The following AK9 variants were observed in gnomAD, a reference collection of about 807,000 sequenced individuals.
AK9 encodes the protein adenylate kinase domain containing 1.
AK9 carries 191 observed loss-of-function variants against 239.6 expected under a neutral mutation model. That is an observed-to-expected ratio of 0.80 (90% CI 0.71 to 0.90). AK9 has a LOEUF of 0.90. AK9 is among the 40% of genes least tolerant of loss of function. AK9 has a pLI of 0.00. For missense variants in AK9, 1,995 were observed against 2,214.7 expected (o/e 0.90, Z 1.99); for synonymous variants, 689 against 721.0 (o/e 0.96, Z 0.71).
intron 17 of AK9, among the ~76,000 whole-genome samples, chr6:109,601,722 T>C (rs1792004593): frequency 2.0e-5 from 3 of 152,202 alleles, no homozygotes; most frequent in Admixed American, 6.5e-5. Context: ...CTAAGTCTCT[T>C]TGTAGGTCTC....
At chr6:109,654,408 C>T (rs182931019) in intron 8 of AK9, among the ~76,000 whole-genome samples, 10 of 151,872 alleles carry the variant, frequency 6.6e-5, no homozygotes, top group East Asian at 1.9e-4. Flanking sequence ...CTCAGCTCAC[C>T]GCAACCTCTG....
intron 26 of AK9, 152 bp from the exon 27 acceptor site, chr6:109,542,323 G>T: frequency 1.5e-6 from 1 of 675,554 alleles, no homozygotes; most frequent in Non-Finnish European, 2.4e-6. Flanking sequence ...TGTGTGGTAG[G>T]GATAGAGGAC....
rs1365575127 is a variant in AK9 at position 109,509,209 on chromosome 6, G to GA, written c.4450dup (p.Ser1484PhefsTer21). On this transcript the variant is annotated frameshift_variant, in exon 33 of 41. Coordinates refer to ENST00000424296, the MANE Select transcript of AK9 (RefSeq NM_001145128.3). LOFTEE classifies it high-confidence loss of function. ...AGTATTGCACACACTTTCCATCAGA[G>GA]AAAGTTCTAAGGCTTGAATAGCCAG... is the stretch of plus-strand genomic sequence containing the variant. The GA allele has an allele frequency of 3.9e-6, 6 of 1,552,018 alleles. No homozygotes were observed. The African/African-American group carries it at 8.2e-5, about 21-fold the overall frequency.
At chr6:109,573,108 T>C (rs1002771469) in intron 21 of AK9, among the ~76,000 whole-genome samples, 2 of 152,152 alleles carry the variant, frequency 1.3e-5, no homozygotes, top group African/African-American at 4.8e-5. Flanking sequence ...AACAAAAAAA[T>C]AGCATGACAA....
intron 1 of AK9, among the ~76,000 whole-genome samples, chr6:109,684,558 AAAAC>A (rs761783008): frequency 9.1e-5 from 13 of 143,254 alleles, no homozygotes; most frequent in Non-Finnish European, 1.7e-4. Context: ...ACAAGAAAAA[AAAAC>A]AAACAACCCC....
intron 13 of AK9, among the ~76,000 whole-genome samples, chr6:109,616,069 T>A (rs1028486856): frequency 1.3e-5 from 2 of 151,958 alleles, no homozygotes; most frequent in African/African-American, 2.4e-5. Context: ...GACCCCTGTC[T>A]CTGCCAGAAA....
intron 24 of AK9, among the ~76,000 whole-genome samples, chr6:109,555,217 G>C (rs1421511781): frequency 6.6e-6 from 1 of 152,098 alleles, no homozygotes; most frequent in Non-Finnish European, 1.5e-5. Flanking sequence ...TTGTCTCTTT[G>C]TTCTCATTGG....
intron 17 of AK9, among the ~76,000 whole-genome samples, chr6:109,597,447 C>T (rs1005377590): frequency 3.3e-5 from 5 of 152,018 alleles, no homozygotes; most frequent in Non-Finnish European, 7.4e-5. Flanking sequence ...CCGAGGCGGG[C>T]AGATCACGAG....
At chr6:109,627,664 T>C (rs1442654510) in intron 12 of AK9, among the ~76,000 whole-genome samples, 1 of 95,588 alleles carries the variant, frequency 1.0e-5, no homozygotes, top group Admixed American at 1.3e-4. Flanking sequence ...CTTCTGTTTT[T>C]TGTTTTTTTG....
At chr6:109,597,054 A>G (rs991875382) in intron 17 of AK9, among the ~76,000 whole-genome samples, 167 of 152,246 alleles carry the variant, frequency 1.1e-3, no homozygotes, top group African/African-American at 3.9e-3. Flanking sequence ...TATATAGAAA[A>G]TCTTTATTTT....
Position 109,506,533 on chromosome 6 carries a change from A to G in AK9, c.4643T>C (p.Leu1548Ser). 6.3e-7 allele frequency: 1 copy of G among 1,587,828 alleles called. No individual in the cohort carries two copies. The highest frequency in any genetic ancestry group is 8.6e-7 in the Non-Finnish European group (1 of 1,164,432). The change falls in exon 35 of 41, where the codon TTG becomes TCG. Residue 1548 changes from leucine (L) to serine (S), a missense_variant. Physicochemically the swap from Leu to Ser is moderately radical, Grantham distance 145. Coordinates refer to ENST00000424296, the MANE Select transcript of AK9 (RefSeq NM_001145128.3). ...KENEQRLPYP[L>S]HNSAQIVAVN... is the part of the protein sequence containing the mutation. Reference sequence around the variant, plus strand: ...AGCTACAATTTGTGCACTATTGTGCAATGGATAAGGCAATCTAATAGGGAA... The same window carrying G: ...AGCTACAATTTGTGCACTATTGTGCGATGGATAAGGCAATCTAATAGGGAA...
intron 1 of AK9, among the ~76,000 whole-genome samples, chr6:109,688,828 T>G (rs1292773439): frequency 6.6e-6 from 1 of 152,166 alleles, no homozygotes; most frequent in Non-Finnish European, 1.5e-5. Context: ...CAGATGGAGA[T>G]AGGGTTGCTG....
chr6:109,536,823 A>T (rs1268099404), intron 27 of AK9, among the ~76,000 whole-genome samples: 1 of 152,154 alleles, frequency 6.6e-6, no homozygotes, highest in Admixed American at 6.5e-5. Flanking sequence ...AGGGCTGTTG[A>T]ATTTTGTGAA....
chr6:109,674,913 A>T (rs192390961), intron 2 of AK9, among the ~76,000 whole-genome samples: 21 of 152,322 alleles, frequency 1.4e-4, no homozygotes, highest in Admixed American at 1.2e-3. Context: ...GAGGCTCTTT[A>T]ATCAACCAGC....
chr6:109,506,276 G>T, intron 35 of AK9, 51 bp downstream of exon 35: 1 of 1,548,080 alleles, frequency 6.5e-7, no homozygotes, highest in Non-Finnish European at 8.9e-7. Context: ...AGTCAGGCAT[G>T]TTTACACTTG....
intron 1 of AK9, among the ~76,000 whole-genome samples, chr6:109,685,553 G>T (rs921846699): frequency 6.6e-6 from 1 of 151,928 alleles, no homozygotes; most frequent in African/African-American, 2.4e-5. Context: ...CGTAGGGAGG[G>T]GAACATCACA....
intron 1 of AK9, among the ~76,000 whole-genome samples, chr6:109,677,099 G>A (rs988557975): frequency 2.0e-5 from 3 of 152,010 alleles, no homozygotes; most frequent in African/African-American, 7.2e-5. Context: ...GAGGGTAGAG[G>A]GTAGGATGAG....
At chr6:109,513,313 C>T (rs59422755) in intron 32 of AK9, among the ~76,000 whole-genome samples, 3,159 of 151,946 alleles carry the variant, frequency 0.021, 96 homozygotes, top group African/African-American at 0.073. Flanking sequence ...GATTTGTATC[C>T]TATATGCCTT....
intron 16 of AK9, 94 bp downstream of exon 16, chr6:109,611,916 A>T (rs1793630923): frequency 1.2e-6 from 1 of 869,098 alleles, no homozygotes; most frequent in African/African-American, 1.7e-5. Flanking sequence ...TTTTTTGAAA[A>T]ATCACACATT....
Sources: gnomAD v4.1 joint callset for allele counts (sites outside exome capture counted in the v4.1 genomes callset) on GRCh38, gnomAD v4.1.1 for gene constraint, MANE v1.5 for transcripts, NCBI Gene and HGNC (gene_info 2026-07-23, HGNC 2026-07-21) for gene names.